Variants in KCNC2 observed in about 807,000 individuals in gnomAD.
The protein encoded by KCNC2 is potassium voltage-gated channel subfamily C member 2.
In KCNC2, 21 loss-of-function variants were observed where a neutral mutation model predicts 44.5. The observed-to-expected ratio is 0.47, with a 90% CI of 0.33 to 0.68. The LOEUF is 0.68. Ranked by LOEUF, KCNC2 falls within the 30% of genes least tolerant of loss-of-function variation. The pLI is 0.01. For synonymous variants in KCNC2, 391 were observed against 339.1 expected, an observed-to-expected ratio of 1.15 and a Z score of -1.68; for missense variants, 589 against 826.2, an observed-to-expected ratio of 0.71 and a Z score of 3.52.
At chr12:75,166,916 A>G (rs117232143) in intron 2 of KCNC2, among the ~76,000 whole-genome samples, 1 of 151,236 alleles carries the variant, frequency 6.6e-6, no homozygotes, top group African/African-American at 2.4e-5. Flanking sequence ...AATAAGCCCA[A>G]AGCAGGCAGA....
intron 2 of KCNC2, among the ~76,000 whole-genome samples, chr12:75,166,530 G>A (rs1891464983): frequency 6.6e-6 from 1 of 150,492 alleles, no homozygotes; most frequent in African/African-American, 2.4e-5. Context: ...AAATGCACAT[G>A]AAACCTTCTC....
intron 2 of KCNC2, among the ~76,000 whole-genome samples, chr12:75,193,908 A>T (rs1266988130): frequency 6.6e-6 from 1 of 152,184 alleles, no homozygotes; most frequent in African/African-American, 2.4e-5. Context: ...AGACGAGCAA[A>T]TGAAAAAGAA....
intron 2 of KCNC2, among the ~76,000 whole-genome samples, chr12:75,161,365 G>T (rs1200874757): frequency 6.6e-6 from 1 of 151,630 alleles, no homozygotes; most frequent in Non-Finnish European, 1.5e-5. Flanking sequence ...AGCACGGGAA[G>T]CTACTTTCAA....
chr12:75,112,090 G>C (rs1887301948), intron 2 of KCNC2, among the ~76,000 whole-genome samples: 1 of 151,566 alleles, frequency 6.6e-6, no homozygotes, highest in Non-Finnish European at 1.5e-5. Context: ...CAAAATGTCT[G>C]TTACAATTTA....
intron 2 of KCNC2, among the ~76,000 whole-genome samples, chr12:75,081,040 C>T (rs891510681): frequency 6.6e-6 from 1 of 152,068 alleles, no homozygotes; most frequent in African/African-American, 2.4e-5. Flanking sequence ...ATAAAATTTA[C>T]AATTTTCAGA....
At chr12:75,197,220 G>A (rs563463144) in intron 2 of KCNC2, among the ~76,000 whole-genome samples, 12 of 151,962 alleles carry the variant, frequency 7.9e-5, no homozygotes, top group Non-Finnish European at 1.5e-5. Context: ...CATCTAAGCA[G>A]GATATCTTAC....
intron 2 of KCNC2, among the ~76,000 whole-genome samples, chr12:75,091,095 C>T (rs10879885): frequency 0.41 from 61,525 of 151,410 alleles, 15,553 homozygotes; most frequent in Non-Finnish European, 0.58. Flanking sequence ...TTTCATTGTG[C>T]TTCTCCTGAT....
intron 2 of KCNC2, among the ~76,000 whole-genome samples, chr12:75,090,507 A>G (rs555300516): frequency 2.0e-4 from 30 of 151,788 alleles, no homozygotes; most frequent in Middle Eastern, 6.8e-3. Context: ...AATGAAGTTC[A>G]AACTGCTTAG....
chr12:75,054,256 G>A (rs1881501541), intron 2 of KCNC2, among the ~76,000 whole-genome samples: 1 of 151,522 alleles, frequency 6.6e-6, no homozygotes, highest in Admixed American at 6.6e-5. Context: ...AGCCAGAGAG[G>A]CAATGTTTTT....
At chr12:75,061,744 A>G (rs966813174) in intron 2 of KCNC2, among the ~76,000 whole-genome samples, 2 of 152,144 alleles carry the variant, frequency 1.3e-5, no homozygotes, top group Middle Eastern at 6.8e-3. Flanking sequence ...GCTAATCCTA[A>G]AACTTTCTAA....
At chr12:75,147,573 T>C (rs1890112199) in intron 2 of KCNC2, among the ~76,000 whole-genome samples, 1 of 152,138 alleles carries the variant, frequency 6.6e-6, no homozygotes, top group Non-Finnish European at 1.5e-5. Context: ...GAAAAGATGT[T>C]TACATAATTA....
intron 2 of KCNC2, among the ~76,000 whole-genome samples, chr12:75,108,489 C>G (rs1321666756): frequency 6.6e-6 from 1 of 152,142 alleles, no homozygotes; most frequent in African/African-American, 2.4e-5. Context: ...TCCACAGCCT[C>G]TAGAAAAAAT....
At chr12:75,115,364 A>G (rs1048274410) in intron 2 of KCNC2, among the ~76,000 whole-genome samples, 7 of 152,226 alleles carry the variant, frequency 4.6e-5, no homozygotes, top group African/African-American at 1.7e-4. Flanking sequence ...ATTCAATTTT[A>G]CAGATGAAGA....
At chr12:75,172,487 T>C (rs1891897905) in intron 2 of KCNC2, among the ~76,000 whole-genome samples, 1 of 151,372 alleles carries the variant, frequency 6.6e-6, no homozygotes, top group Admixed American at 6.6e-5. Context: ...AACTTAAAAG[T>C]TGAAGAAAAA....
intron 2 of KCNC2, among the ~76,000 whole-genome samples, chr12:75,090,246 G>A (rs1885358116): frequency 6.6e-6 from 1 of 151,602 alleles, no homozygotes; most frequent in South Asian, 2.1e-4. Flanking sequence ...CCTTATCGAT[G>A]TTTACAGATC....
rs1227751674 is a variant in KCNC2, at chr12:75,209,782, A to T, written c.-595T>A. ...GGGTCTGGAGAAGCTATGTGTACCA[A>T]CCAGGTTCACATATTTTTCTTCCGT... On this transcript the variant is annotated 5_prime_UTR_variant, in exon 1 of 5. In the 5' UTR this introduces an upstream ATG that the reference lacks. Coordinates refer to ENST00000549446, the MANE Select transcript of KCNC2 (RefSeq NM_139137.4). 1 of 152,064 alleles carries T rather than the reference A, an allele frequency of 6.6e-6. No individual in the cohort carries two copies. The highest frequency in any genetic ancestry group is 2.4e-5 in the African/African-American group (1 of 41,362). The allele number at this position is 152,064 out of a possible 1,614,324, so 9.4% of individuals were successfully genotyped here.
intron 2 of KCNC2, among the ~76,000 whole-genome samples, chr12:75,059,561 T>A (rs1205331386): frequency 6.6e-6 from 1 of 152,118 alleles, no homozygotes; most frequent in African/African-American, 2.4e-5. Context: ...TTTTAAATGA[T>A]TTTCCTTTCA....
intron 2 of KCNC2, among the ~76,000 whole-genome samples, chr12:75,182,082 A>G (rs923842512): frequency 6.6e-6 from 1 of 151,464 alleles, no homozygotes; most frequent in Non-Finnish European, 1.5e-5. Context: ...GTCCAGAGGC[A>G]CATAGGTAGT....
rs573300372 is a variant in KCNC2 at position 75,198,877 on chromosome 12, G to C, written c.687+8420C>G. On this transcript the variant is annotated intron_variant, in intron 2 of 4. Transcript: ENST00000549446. ...AAAAAACTCAAAAAAATTTATATTG[G>C]TCCAAATAGTTTTTGCTTAAACATA... Among the ~76,000 whole-genome samples, 55 of 151,554 alleles carry C rather than the reference G, an allele frequency of 3.6e-4. 1 individual carries two copies. The East Asian group carries it at 0.01, about 28-fold the overall frequency.
Sources: gnomAD v4.1 joint callset for allele counts (sites outside exome capture counted in the v4.1 genomes callset) on GRCh38, gnomAD v4.1.1 for gene constraint, MANE v1.5 for transcripts, NCBI Gene and HGNC (gene_info 2026-07-23, HGNC 2026-07-21) for gene names.